The following SAMD4A variants were observed in gnomAD, a reference collection of about 807,000 sequenced individuals.
The protein encoded by SAMD4A is protein Smaug homolog 1.
Under a neutral mutation model 81.3 loss-of-function variants are expected in SAMD4A, and 33 were observed. The observed-to-expected ratio is 0.41, with a 90% CI of 0.31 to 0.54. SAMD4A has a LOEUF of 0.54. SAMD4A is among the 20% of genes least tolerant of loss of function. SAMD4A has a pLI of 0.37. For missense variants in SAMD4A, 854 were observed against 951.1 expected, an observed-to-expected ratio of 0.90 and a Z score of 1.34; for synonymous variants, 389 against 382.1, an observed-to-expected ratio of 1.02 and a Z score of -0.21.
At chr14:54,752,951 C>T (rs552511410) in intron 6 of SAMD4A, among the ~76,000 whole-genome samples, 120 of 152,388 alleles carry the variant, frequency 7.9e-4, no homozygotes, top group African/African-American at 2.7e-3. Flanking sequence ...TCCACCCAAA[C>T]ATCTCAGTGG....
At chr14:54,613,609 C>T (rs934910423) in intron 2 of SAMD4A, among the ~76,000 whole-genome samples, 9 of 152,192 alleles carry the variant, frequency 5.9e-5, no homozygotes. Flanking sequence ...TCTTCCAGTT[C>T]CCAGGACGTG....
intron 2 of SAMD4A, among the ~76,000 whole-genome samples, chr14:54,612,771 G>T (rs190492234): frequency 5.9e-5 from 9 of 152,116 alleles, no homozygotes; most frequent in Admixed American, 5.9e-4. Context: ...TAGAAGATGG[G>T]GTGGGAAGAC....
At chr14:54,746,641 T>C (rs981878396) in intron 4 of SAMD4A, among the ~76,000 whole-genome samples, 5 of 152,224 alleles carry the variant, frequency 3.3e-5, no homozygotes, top group African/African-American at 1.2e-4. Context: ...GCACCATGTT[T>C]ATAACACGAT....
In SAMD4A at chr14:54,760,172, G is replaced by T. The variant is rs137951039; in HGVS notation, c.1188G>T (p.Glu396Asp). Residue 396 changes from glutamate (E) to aspartate (D), a missense_variant, in exon 7 of 13, where the codon GAG (glutamate) becomes GAT (aspartate). This residue lies in a region of SAMD4A where 428 missense variants were observed against 471.2 expected (regional missense o/e 0.91). Transcript: ENST00000554335. ...LLKSLERDIIEGGSLRIPLQE... is the reference protein window; with the variant it reads ...LLKSLERDIIDGGSLRIPLQE... Reference sequence around the variant, plus strand: ...CTCTCACCGTCCAGGACATCATCGAGGGGGGCAGCCTGCGCATCCCGCTCC... The same window carrying T: ...CTCTCACCGTCCAGGACATCATCGATGGGGGCAGCCTGCGCATCCCGCTCC... 75 of 1,612,168 alleles carry T rather than the reference G, an allele frequency of 4.7e-5. No homozygotes were observed. The African/African-American group carries it at 8.6e-4, about 18-fold the overall frequency.
chr14:54,667,841 T>G (rs1208003312), intron 2 of SAMD4A, among the ~76,000 whole-genome samples: 1 of 152,202 alleles, frequency 6.6e-6, no homozygotes, highest in East Asian at 1.9e-4. Context: ...TGTCTTCTTT[T>G]TAAATGGAGA....
At chr14:54,626,059 T>TGTGTGTGCGCGCGCGC (rs368142521) in intron 2 of SAMD4A, among the ~76,000 whole-genome samples, 5 of 102,096 alleles carry the variant, frequency 4.9e-5, no homozygotes, top group Admixed American at 9.4e-5. Flanking sequence ...TGTGTGTGTG[T>TGTGTGTGCGCGCGCGC]GCGCGCGCGC....
chr14:54,617,308 C>A (rs1199786730), intron 2 of SAMD4A, among the ~76,000 whole-genome samples: 1 of 152,204 alleles, frequency 6.6e-6, no homozygotes, highest in African/African-American at 2.4e-5. Flanking sequence ...GTAAATATAA[C>A]TGTGCATTAA....
At position 54,733,182 on chromosome 14, in the gene SAMD4A, C is replaced by A. The variant is rs80068550; in HGVS notation, c.716-3842C>A. On this transcript the variant is annotated intron_variant, in intron 3 of 12. Transcript: ENST00000554335. ...GAACCTCTGAACTCCCATCACACTGCCCGACTGCTGTAGCAAGATTACTTT... is the reference window on the plus strand; with the variant it reads ...GAACCTCTGAACTCCCATCACACTGACCGACTGCTGTAGCAAGATTACTTT... Among the ~76,000 whole-genome samples the A allele has an allele frequency of 3.3e-5, 5 of 152,304 alleles. No homozygotes were observed. In the East Asian group the frequency reaches 9.6e-4, roughly 29 times the overall value.
chr14:54,580,145 AG>A (rs954015910), intron 2 of SAMD4A, among the ~76,000 whole-genome samples: 2 of 152,214 alleles, frequency 1.3e-5, no homozygotes, highest in Non-Finnish European at 2.9e-5. Flanking sequence ...ACCTGTTAGT[AG>A]GGGAAGAGCT....
At chr14:54,641,825 T>C (rs1004239153) in intron 2 of SAMD4A, among the ~76,000 whole-genome samples, 10 of 151,928 alleles carry the variant, frequency 6.6e-5, no homozygotes, top group African/African-American at 1.9e-4. Flanking sequence ...TGAGATAGAG[T>C]CTCGCTCTGT....
At chr14:54,644,309 C>G (rs1194553908) in intron 2 of SAMD4A, among the ~76,000 whole-genome samples, 1 of 152,048 alleles carries the variant, frequency 6.6e-6, no homozygotes, top group Non-Finnish European at 1.5e-5. Flanking sequence ...GGTTAAATAC[C>G]ATACTTCTAA....
chr14:54,688,931 CT>C (rs71127666), intron 2 of SAMD4A, among the ~76,000 whole-genome samples: 11,954 of 116,076 alleles, frequency 0.1, 843 homozygotes, highest in African/African-American at 0.21. Context: ...AGTCGTAATT[CT>C]TTTTTTTTTT....
At chr14:54,618,607 A>G (rs1373853658) in intron 2 of SAMD4A, among the ~76,000 whole-genome samples, 5 of 152,204 alleles carry the variant, frequency 3.3e-5, no homozygotes, top group Non-Finnish European at 7.4e-5. Flanking sequence ...GTCTTTGAGT[A>G]TATTTTACAA....
Position 54,568,018 on chromosome 14 carries a change from C to T in SAMD4A, c.102C>T (p.Ser34=). The T allele has an allele frequency of 6.2e-7, 1 of 1,606,892 alleles. No individual in the cohort carries two copies. The highest frequency in any genetic ancestry group is 8.5e-7 in the Non-Finnish European group (1 of 1,179,448). ...TGCTGTCGCTGCTCAAGCGCGTGAG[C>T]CAGACCCAGGCCCGCTTCCTCCAGC... ...VALLSLLKRV[S]QTQARFLQLC... is the part of the protein sequence containing the mutation. Residue 34 remains serine (S), a synonymous_variant, in exon 2 of 13, where the codon AGC becomes AGT. Coordinates refer to ENST00000554335, the MANE Select transcript of SAMD4A (RefSeq NM_015589.6).
At chr14:54,629,039 A>G (rs2034832081) in intron 2 of SAMD4A, among the ~76,000 whole-genome samples, 1 of 152,112 alleles carries the variant, frequency 6.6e-6, no homozygotes, top group African/African-American at 2.4e-5. Context: ...TTGCAGATGT[A>G]GACAAGTTAA....
chr14:54,615,895 GA>G (rs1163756672), intron 2 of SAMD4A, among the ~76,000 whole-genome samples: 1 of 148,740 alleles, frequency 6.7e-6, no homozygotes, highest in Non-Finnish European at 1.5e-5. Context: ...CCTCCCCCCC[GA>G]TAGAAGACAG....
At chr14:54,661,940 GA>G (rs34567888) in intron 2 of SAMD4A, among the ~76,000 whole-genome samples, 16,055 of 147,456 alleles carry the variant, frequency 0.11, 1,018 homozygotes, top group Middle Eastern at 0.23. Context: ...CCACTATCTG[GA>G]AAAAAAAAAA....
At chr14:54,678,879 C>A (rs541444849) in intron 2 of SAMD4A, among the ~76,000 whole-genome samples, 1 of 152,290 alleles carries the variant, frequency 6.6e-6, no homozygotes, top group African/African-American at 2.4e-5. Context: ...ATAATTGAAA[C>A]CCTGCATAAT....
intron 3 of SAMD4A, among the ~76,000 whole-genome samples, chr14:54,725,404 T>C (rs1361011577): frequency 6.6e-6 from 1 of 152,216 alleles, no homozygotes; most frequent in Non-Finnish European, 1.5e-5. Flanking sequence ...AGAAAAAAGA[T>C]TCTTACCAGG....
Sources: allele counts gnomAD v4.1 joint callset (sites outside exome capture counted in the v4.1 genomes callset), GRCh38; gene constraint gnomAD v4.1.1; regional missense constraint gnomAD v4.1.1; transcripts MANE v1.5; gene names NCBI Gene and HGNC (gene_info 2026-07-23, HGNC 2026-07-21).